DENND5A: variants seen among roughly 807,000 people sequenced by gnomAD.
DENND5A encodes the protein DENN domain containing 5A.
A neutral mutation model predicts 140.3 loss-of-function variants in DENND5A; 64 were observed. The ratio of observed to expected loss-of-function variants is 0.46; its 90% confidence interval spans 0.37 to 0.56. DENND5A has a LOEUF of 0.56. Ranked by LOEUF, DENND5A falls within the 20% of genes least tolerant of loss-of-function variation. The pLI is 0.00. For synonymous variants in DENND5A, 605 were observed against 607.7 expected (o/e 1.00, Z 0.07); for missense variants, 1,292 against 1,593.8 (o/e 0.81, Z 3.22).
chr11:9,172,652 T>C (rs1848409259), intron 8 of DENND5A, among the ~76,000 whole-genome samples: 5 of 152,138 alleles, frequency 3.3e-5, no homozygotes, highest in African/African-American at 9.7e-5. Flanking sequence ...TGTGAAGAGG[T>C]GCCTTCCACC....
intron 5 of DENND5A, among the ~76,000 whole-genome samples, chr11:9,191,561 A>G (rs1461064342): frequency 1.3e-5 from 2 of 152,128 alleles, no homozygotes; most frequent in African/African-American, 4.8e-5. Context: ...TTCTTAAACA[A>G]CCCATGGTTT....
chr11:9,162,429 G>C (rs1848018778), intron 11 of DENND5A, among the ~76,000 whole-genome samples: 1 of 151,286 alleles, frequency 6.6e-6, no homozygotes, highest in African/African-American at 2.4e-5. Flanking sequence ...AGTAGAGATG[G>C]GGTTTCTCCA....
chr11:9,170,555 C>G, intron 9 of DENND5A, 72 bp downstream of exon 9: 11 of 1,575,770 alleles, frequency 7.0e-6, no homozygotes, highest in Non-Finnish European at 7.0e-6. Flanking sequence ...GGGGTAACAG[C>G]CCTAGCCCAG....
chr11:9,235,537 A>G (rs1439945252), intron 1 of DENND5A, among the ~76,000 whole-genome samples: 1 of 148,080 alleles, frequency 6.8e-6, no homozygotes, highest in Non-Finnish European at 1.5e-5. Flanking sequence ...GGGCACCTGT[A>G]ATCCCAGCTA....
At chr11:9,177,014 G>A in intron 8 of DENND5A, 2 of 433,822 alleles carry the variant, frequency 4.6e-6, no homozygotes, top group South Asian at 3.3e-5. Context: ...TAGCACTTTG[G>A]AATGCAGAGG....
intron 1 of DENND5A, among the ~76,000 whole-genome samples, chr11:9,245,082 A>G (rs112034521): frequency 0.029 from 4,367 of 151,594 alleles, 216 homozygotes; most frequent in African/African-American, 0.099. Flanking sequence ...CAGGAGACCA[A>G]TACCATCTTG....
At chr11:9,225,566 C>T (rs1354174504) in intron 1 of DENND5A, among the ~76,000 whole-genome samples, 2 of 152,108 alleles carry the variant, frequency 1.3e-5, no homozygotes, top group African/African-American at 4.8e-5. Flanking sequence ...TCGAGAACAG[C>T]CTAGCCAACG....
rs11285106 is a variant in DENND5A at position 9,168,092 on chromosome 11, A to ATTTTTTT, written c.2151+1757_2151+1763dup. 3.3e-3 allele frequency among the ~76,000 whole-genome samples: 464 copies of ATTTTTTT among 141,964 alleles called. 7 individuals carry two copies. Among genetic ancestry groups the ATTTTTTT allele is most frequent in the African/African-American group, 7.4e-3 (281 of 37,968 alleles). The allele number at this position is 141,964 out of a possible 152,430, so 93.1% of individuals were successfully genotyped here. On this transcript the variant is annotated intron_variant, in intron 10 of 22. Transcript: ENST00000328194. ...GTATTTCAAAGTGTTAACCTCAGTG[A>ATTTTTTT]TTTTTTTTTTTTTTGTCTTTAGCAA...
chr11:9,244,080 T>C (rs1291620711), intron 1 of DENND5A, among the ~76,000 whole-genome samples: 1 of 152,194 alleles, frequency 6.6e-6, no homozygotes, highest in Non-Finnish European at 1.5e-5. Flanking sequence ...ACTTGTGGAT[T>C]TTCTGCTACA....
intron 10 of DENND5A, among the ~76,000 whole-genome samples, chr11:9,166,986 G>A (rs1443480677): frequency 2.6e-5 from 4 of 151,936 alleles, no homozygotes; most frequent in Admixed American, 1.3e-4. Context: ...TCCTCTGCCC[G>A]TATCAAAGAT....
chr11:9,248,922 A>T (rs902074956), intron 1 of DENND5A, among the ~76,000 whole-genome samples: 1 of 152,192 alleles, frequency 6.6e-6, no homozygotes, highest in African/African-American at 2.4e-5. Flanking sequence ...AAAAGGCATC[A>T]GAGATGATAC....
chr11:9,201,795 A>T (rs1564912236), intron 4 of DENND5A, among the ~76,000 whole-genome samples: 1 of 152,220 alleles, frequency 6.6e-6, no homozygotes, highest in Non-Finnish European at 1.5e-5. Flanking sequence ...TATAATTCAA[A>T]AAATAAAAAC....
rs1234155943 is a variant in DENND5A at position 9,204,207 on chromosome 11, G to A, written c.402C>T (p.Ala134=). ...REDGSRTFGF[A]LTFYEEVTSK... Reference sequence around the variant, plus strand: ...TAGTCACCTCTTCATAAAATGTGAGGGCAAACCCAAATGTCCGAGAGCCAT... The same window carrying A: ...TAGTCACCTCTTCATAAAATGTGAGAGCAAACCCAAATGTCCGAGAGCCAT... Residue 134 remains alanine, a synonymous_variant, in exon 4 of 23, where the codon GCC becomes GCT. Transcript: ENST00000328194. The A allele has an allele frequency of 1.9e-6, 3 of 1,613,972 alleles. No homozygotes were observed. Among genetic ancestry groups the A allele is most frequent in the African/African-American group, 1.3e-5 (1 of 74,962 alleles).
chr11:9,205,430 T>C (rs1213712994), intron 3 of DENND5A, among the ~76,000 whole-genome samples: 1 of 152,190 alleles, frequency 6.6e-6, no homozygotes, highest in African/African-American at 2.4e-5. Flanking sequence ...TTCTAGAACA[T>C]AGCATGTTAA....
chr11:9,174,516 CTTTTTTT>C (rs575928246), intron 8 of DENND5A, among the ~76,000 whole-genome samples: 2 of 133,786 alleles, frequency 1.5e-5, no homozygotes, highest in Non-Finnish European at 3.2e-5. Flanking sequence ...AAGGTTATTT[CTTTTTTT>C]TTTTTTTTTA....
At chr11:9,179,565 T>C (rs1161699866) in intron 6 of DENND5A, among the ~76,000 whole-genome samples, 3 of 149,698 alleles carry the variant, frequency 2.0e-5, no homozygotes, top group Non-Finnish European at 4.4e-5. Flanking sequence ...AATGGCGCCA[T>C]CTCGGCTCAC....
intron 1 of DENND5A, among the ~76,000 whole-genome samples, chr11:9,227,069 G>A (rs926185313): frequency 7.9e-5 from 12 of 152,076 alleles, no homozygotes; most frequent in African/African-American, 2.7e-4. Flanking sequence ...TCCAGAGGCT[G>A]AAGCAGGAGA....
In DENND5A at chr11:9,265,175, AC is replaced by A; in HGVS notation, c.-107del. 1.7e-6 allele frequency: 1 copy of A among 579,752 alleles called. No homozygotes were observed. Among genetic ancestry groups the A allele is most frequent in the Non-Finnish European group, 2.2e-6 (1 of 458,206 alleles). The allele number at this position is 579,752 out of a possible 1,614,324, so 35.9% of individuals were successfully genotyped here. A position where few individuals can be genotyped will look rare whatever the true frequency, so the allele number is the denominator to read the frequency against. On this transcript the variant is annotated 5_prime_UTR_variant, in exon 1 of 23. It removes the in-frame stop codon of an upstream open reading frame in the 5' UTR. Transcript: ENST00000328194. The surrounding 1 kb of genome is among the most constrained non-coding windows in gnomAD (Gnocchi z 4.7). ...GGCCGCCCCTCCCGCCGCCGCCGCT[AC>A]CGCGGCTCGGGCCGCCGCCCCCGGC... is the stretch of plus-strand genomic sequence containing the variant.
At chr11:9,154,676 A>G (rs1847745053) in intron 12 of DENND5A, among the ~76,000 whole-genome samples, 1 of 152,120 alleles carries the variant, frequency 6.6e-6, no homozygotes, top group South Asian at 2.1e-4. Context: ...AAAATATATA[A>G]AAACTAAAAT....
Sources: allele counts gnomAD v4.1 joint callset (sites outside exome capture counted in the v4.1 genomes callset), GRCh38; gene constraint gnomAD v4.1.1; non-coding constraint Gnocchi (gnomAD v3.1); transcripts MANE v1.5; gene names NCBI Gene and HGNC (gene_info 2026-07-23, HGNC 2026-07-21).